Variants in TBC1D5 observed in about 807,000 individuals in gnomAD.
The protein encoded by TBC1D5 is TBC1 domain family, member 5.
Under a neutral mutation model 100.3 loss-of-function variants are expected in TBC1D5, and 75 were observed. That is an observed-to-expected ratio of 0.75 (90% CI 0.62 to 0.91). The LOEUF is 0.91. Among genes scored for constraint, TBC1D5 ranks in the 40% least tolerant of loss-of-function variants. TBC1D5 has a pLI of 0.00. For synonymous variants in TBC1D5, 323 were observed against 325.6 expected (o/e 0.99, Z 0.09); for missense variants, 910 against 942.4 (o/e 0.97, Z 0.45).
intron 1 of TBC1D5, among the ~76,000 whole-genome samples, chr3:17,696,495 T>C (rs1446892341): frequency 6.6e-6 from 1 of 151,842 alleles, no homozygotes; most frequent in Non-Finnish European, 1.5e-5. Flanking sequence ...AACTAGAAAA[T>C]CTAGAAGAAA....
intron 3 of TBC1D5, among the ~76,000 whole-genome samples, chr3:17,433,814 A>G (rs2094486922): frequency 6.6e-6 from 1 of 152,200 alleles, no homozygotes; most frequent in African/African-American, 2.4e-5. Context: ...ATCAAAAGCA[A>G]GTTAGCTACT....
chr3:17,663,984 TACA>T (rs1425861190), intron 1 of TBC1D5, among the ~76,000 whole-genome samples: 2 of 152,246 alleles, frequency 1.3e-5, no homozygotes, highest in South Asian at 2.1e-4. Flanking sequence ...AATCCATTCT[TACA>T]ACAACCCAAC....
chr3:17,538,862 A>T (rs1000114516), intron 2 of TBC1D5, among the ~76,000 whole-genome samples: 3 of 152,164 alleles, frequency 2.0e-5, no homozygotes, highest in East Asian at 3.9e-4. Context: ...AACAATGCAA[A>T]ATCCTATCTC....
intron 13 of TBC1D5, among the ~76,000 whole-genome samples, chr3:17,351,872 T>C (rs995603183): frequency 2.0e-5 from 3 of 150,704 alleles, no homozygotes; most frequent in African/African-American, 7.3e-5. Flanking sequence ...CTCATCATCT[T>C]AAAACAAAGT....
At chr3:17,694,102 A>G (rs1288269026) in intron 1 of TBC1D5, among the ~76,000 whole-genome samples, 2 of 152,228 alleles carry the variant, frequency 1.3e-5, no homozygotes, top group Non-Finnish European at 2.9e-5. Flanking sequence ...CACCAACATC[A>G]AAGACCAAAG....
At chr3:17,738,382 T>TAC (rs532604198) in intron 1 of TBC1D5, among the ~76,000 whole-genome samples, 3,797 of 150,684 alleles carry the variant, frequency 0.025, 45 homozygotes, top group Non-Finnish European at 0.034. Context: ...CACTCACACA[T>TAC]ACACACACAC....
At chr3:17,205,685 T>C (rs2072069454) in intron 18 of TBC1D5, among the ~76,000 whole-genome samples, 2 of 151,716 alleles carry the variant, frequency 1.3e-5, no homozygotes, top group African/African-American at 4.8e-5. Flanking sequence ...TGGTAAGGAG[T>C]GGGCATGGAA....
At chr3:17,185,414 A>G (rs2068920210) in intron 18 of TBC1D5, among the ~76,000 whole-genome samples, 1 of 152,186 alleles carries the variant, frequency 6.6e-6, no homozygotes, top group Admixed American at 6.6e-5. Context: ...AAACGTCTGG[A>G]TTTTTCTAAT....
chr3:17,696,525 A>G (rs2072115341), intron 1 of TBC1D5, among the ~76,000 whole-genome samples: 1 of 152,214 alleles, frequency 6.6e-6, no homozygotes, highest in Non-Finnish European at 1.5e-5. Flanking sequence ...TCCTGGATAC[A>G]TACAAGACTA....
chr3:17,297,066 TAAGC>T (rs1414101559), intron 14 of TBC1D5, among the ~76,000 whole-genome samples: 1 of 152,338 alleles, frequency 6.6e-6, no homozygotes, highest in African/African-American at 2.4e-5. Flanking sequence ...AGGCAGTAAG[TAAGC>T]AAGTATAAAA....
intron 2 of TBC1D5, among the ~76,000 whole-genome samples, chr3:17,610,219 C>A (rs1360746085): frequency 6.6e-6 from 1 of 152,098 alleles, no homozygotes; most frequent in South Asian, 2.1e-4. Flanking sequence ...GAGTCTCATT[C>A]TTTGGCCCAG....
intron 3 of TBC1D5, among the ~76,000 whole-genome samples, chr3:17,487,547 G>A (rs998378293): frequency 1.1e-4 from 16 of 152,264 alleles, no homozygotes; most frequent in South Asian, 1.0e-3. Flanking sequence ...GAAGGATTTG[G>A]CCAATTCTAG....
At chr3:17,208,858 C>A (rs557295547) in intron 18 of TBC1D5, among the ~76,000 whole-genome samples, 1 of 152,152 alleles carries the variant, frequency 6.6e-6, no homozygotes, top group Non-Finnish European at 1.5e-5. Flanking sequence ...TTCATAGACA[C>A]GTTCTTTGTA....
chr3:17,221,458 C>G (rs761805605), intron 17 of TBC1D5, among the ~76,000 whole-genome samples: 7 of 151,960 alleles, frequency 4.6e-5, no homozygotes, highest in Non-Finnish European at 8.8e-5. Flanking sequence ...ACAACAGTCC[C>G]CAGTGTGTGA....
intron 16 of TBC1D5, among the ~76,000 whole-genome samples, chr3:17,240,726 G>A (rs77112361): frequency 0.01 from 1,537 of 152,120 alleles, 20 homozygotes; most frequent in Middle Eastern, 0.027. Flanking sequence ...AGTTTTGCTT[G>A]TTTGCAAGTC....
intron 13 of TBC1D5, among the ~76,000 whole-genome samples, chr3:17,317,249 C>T (rs1346396964): frequency 6.6e-6 from 1 of 152,144 alleles, no homozygotes; most frequent in African/African-American, 2.4e-5. Context: ...GATTATCCAC[C>T]ATCTGGGATT....
chr3:17,481,664 T>C (rs757493672), intron 3 of TBC1D5, among the ~76,000 whole-genome samples: 22 of 152,274 alleles, frequency 1.4e-4, no homozygotes, highest in East Asian at 3.8e-4. Flanking sequence ...AGAATAACTA[T>C]GTAGAATAAA....
chr3:17,533,872 C>A (rs1357836834), intron 2 of TBC1D5, among the ~76,000 whole-genome samples: 5 of 143,632 alleles, frequency 3.5e-5, no homozygotes, highest in African/African-American at 1.1e-4. Context: ...CATACATACA[C>A]AGACACACCT....
intron 2 of TBC1D5, among the ~76,000 whole-genome samples, chr3:17,573,851 C>T (rs1157992431): frequency 3.3e-5 from 5 of 151,848 alleles, no homozygotes; most frequent in Non-Finnish European, 7.4e-5. Context: ...ATTCATCACA[C>T]TAGATGTTAA....
Sources: gnomAD v4.1 joint callset for allele counts (sites outside exome capture counted in the v4.1 genomes callset) on GRCh38, gnomAD v4.1.1 for gene constraint, MANE v1.5 for transcripts, NCBI Gene and HGNC (gene_info 2026-07-23, HGNC 2026-07-21) for gene names.